The following DNAAF9 variants were observed in gnomAD, a reference collection of about 807,000 sequenced individuals.
The protein encoded by DNAAF9 is shulin.
In DNAAF9, 90 loss-of-function variants were observed where a neutral mutation model predicts 167.0. That is an observed-to-expected ratio of 0.54 (90% CI 0.45 to 0.64). DNAAF9 has a LOEUF of 0.64. Among genes scored for constraint, DNAAF9 ranks in the 30% least tolerant of loss-of-function variants. DNAAF9 has a pLI of 0.00. For missense variants in DNAAF9, 1,315 were observed against 1,442.2 expected (o/e 0.91, Z 1.43); for synonymous variants, 491 against 508.8 (o/e 0.96, Z 0.47).
intron 20 of DNAAF9, among the ~76,000 whole-genome samples, chr20:3,312,113 C>T (rs755784060): frequency 1.1e-4 from 16 of 152,114 alleles, no homozygotes; most frequent in Middle Eastern, 3.4e-3. Flanking sequence ...CTCAGCCTCC[C>T]GAGTAGCTGG....
Position 3,340,682 on chromosome 20 carries a change from T to C in DNAAF9, c.846-43A>G, listed in dbSNP as rs183858359. The C allele has an allele frequency of 2.6e-5, 41 of 1,604,160 alleles. No homozygotes were observed. The Admixed American group carries it at 4.8e-4, about 19-fold the overall frequency. On this transcript the variant is annotated intron_variant, in intron 9 of 36. Coordinates refer to ENST00000252032, the MANE Select transcript of DNAAF9 (RefSeq NM_001009984.3). ...AAACATGTGATTAGAAAAGAGTTCCTGGCCAAGGCAACCTTCCATGACCTT... is the reference window on the plus strand; with the variant it reads ...AAACATGTGATTAGAAAAGAGTTCCCGGCCAAGGCAACCTTCCATGACCTT...
At chr20:3,391,289 G>T (rs953059554) in intron 1 of DNAAF9, among the ~76,000 whole-genome samples, 5 of 151,424 alleles carry the variant, frequency 3.3e-5, no homozygotes, top group Non-Finnish European at 5.9e-5. Context: ...ACCATGAAAC[G>T]TGTCACTTAA....
chr20:3,347,639 T>G (rs2070220677), intron 8 of DNAAF9, among the ~76,000 whole-genome samples: 3 of 152,054 alleles, frequency 2.0e-5, no homozygotes, highest in Admixed American at 2.0e-4. Context: ...ATAAAATATG[T>G]AAAGGTAGCC....
chr20:3,252,553 G>T lies in DNAAF9; in HGVS notation c.*19C>A. On this transcript the variant is annotated 3_prime_UTR_variant, in exon 37 of 37. Coordinates refer to ENST00000252032, the MANE Select transcript of DNAAF9 (RefSeq NM_001009984.3). ...CTCCAAGGTGGACATTCTGCAGGAC[G>T]TACGGGCCCAGCCTTCCTCTAGGGC... 1 of 1,330,668 alleles carries T rather than the reference G, an allele frequency of 7.5e-7. No individual in the cohort carries two copies. Among genetic ancestry groups the T allele is most frequent in the Non-Finnish European group, 1.1e-6 (1 of 921,070 alleles). The allele number at this position is 1,330,668 out of a possible 1,614,324, so 82.4% of individuals were successfully genotyped here. A position where few individuals can be genotyped will look rare whatever the true frequency, so the allele number is the denominator to read the frequency against.
chr20:3,270,657 G>A (rs1229368435), intron 29 of DNAAF9, 95 bp from the exon 30 acceptor site: 2 of 1,041,628 alleles, frequency 1.9e-6, no homozygotes, highest in Non-Finnish European at 2.9e-6. Context: ...CCCTAATCAT[G>A]CCTTCCAGTA....
Position 3,287,697 on chromosome 20 carries a change from C to T in DNAAF9, c.2421G>A (p.Gln807=). The change falls in exon 27 of 37, where the codon CAG becomes CAA. Residue 807 remains glutamine (Q), a synonymous_variant. Transcript: ENST00000252032. ...AGGCTGACTGGCGCGCAGAGCGGTT[C>T]TGCTGGGCCTCTAGGGCACTGGAAA... is the stretch of plus-strand genomic sequence containing the variant. ...RYLSSALEAQ[Q]NRSARQSAYI... 1 of 1,614,228 alleles carries T rather than the reference C, an allele frequency of 6.2e-7. No homozygotes were observed. Among genetic ancestry groups the T allele is most frequent in the East Asian group, 2.2e-5 (1 of 44,872 alleles).
At chr20:3,372,816 A>G (rs1321917120) in intron 6 of DNAAF9, among the ~76,000 whole-genome samples, 4 of 150,130 alleles carry the variant, frequency 2.7e-5, no homozygotes, top group African/African-American at 7.4e-5. Flanking sequence ...GAGGGTTACT[A>G]TAAGAATGAA....
chr20:3,383,375 T>A (rs2083689660), intron 1 of DNAAF9, among the ~76,000 whole-genome samples: 1 of 151,232 alleles, frequency 6.6e-6, no homozygotes, highest in Non-Finnish European at 1.5e-5. Context: ...TTCAAGTGAT[T>A]CTCCCGCCTC....
intron 33 of DNAAF9, 96 bp from the exon 34 acceptor site, chr20:3,256,307 T>C (rs192754730): frequency 1.1e-6 from 1 of 901,164 alleles, no homozygotes; most frequent in East Asian, 2.5e-5. Context: ...GATAGATTCA[T>C]GAGAAAATGC....
intron 6 of DNAAF9, among the ~76,000 whole-genome samples, chr20:3,369,216 T>C (rs1277470978): frequency 3.3e-5 from 5 of 152,114 alleles, no homozygotes; most frequent in Admixed American, 6.5e-5. Flanking sequence ...TTCCCATTCA[T>C]ACTTAAGTGA....
In DNAAF9 at chr20:3,322,534, G is replaced by A. The variant is rs1329350193; in HGVS notation, c.1310+118C>T. 4.6e-6 allele frequency: 4 copies of A among 866,020 alleles called. No homozygotes were observed. The African/African-American group carries it at 4.9e-5, about 11-fold the overall frequency. The allele number at this position is 866,020 out of a possible 1,614,324, so 53.6% of individuals were successfully genotyped here. ...CACAGCCAGCCCAAGCCCAACCCTG[G>A]AGTGATGTCACTGCTAGGTGTGGAA... is the stretch of plus-strand genomic sequence containing the variant. On this transcript the variant is annotated intron_variant, in intron 15 of 36. Transcript: ENST00000252032.
At chr20:3,295,759 A>C (rs1191021574) in intron 23 of DNAAF9, 7 of 704,354 alleles carry the variant, frequency 9.9e-6, no homozygotes, top group Admixed American at 1.8e-5. Flanking sequence ...TTATTCTGGA[A>C]GTCCTCCTTG....
At chr20:3,312,145 C>T (rs917044443) in intron 20 of DNAAF9, among the ~76,000 whole-genome samples, 3 of 152,046 alleles carry the variant, frequency 2.0e-5, no homozygotes, top group Admixed American at 1.3e-4. Context: ...TGCGTCACCA[C>T]GCCTGGCTAA....
chr20:3,293,037 G>T (rs1161037857), intron 25 of DNAAF9, among the ~76,000 whole-genome samples: 2 of 151,640 alleles, frequency 1.3e-5, no homozygotes, highest in Admixed American at 6.6e-5. Context: ...AGTGAGCCAA[G>T]ATTGTGCCAT....
At chr20:3,341,677 C>G (rs2070088180) in intron 9 of DNAAF9, among the ~76,000 whole-genome samples, 1 of 152,196 alleles carries the variant, frequency 6.6e-6, no homozygotes, top group South Asian at 2.1e-4. Context: ...GTCCATGCTG[C>G]CATGATTTCT....
chr20:3,299,352 GC>G (rs2122962270), intron 21 of DNAAF9, among the ~76,000 whole-genome samples: 1 of 151,908 alleles, frequency 6.6e-6, no homozygotes, highest in Admixed American at 6.6e-5. Context: ...GGGGACCTGT[GC>G]CCAGGATGGA....
intron 6 of DNAAF9, among the ~76,000 whole-genome samples, chr20:3,362,477 T>G (rs896765004): frequency 3.3e-5 from 5 of 151,874 alleles, no homozygotes; most frequent in African/African-American, 1.2e-4. Context: ...TTCATTTTTT[T>G]CACCTGTATA....
intron 1 of DNAAF9, among the ~76,000 whole-genome samples, chr20:3,393,392 G>A (rs1406668649): frequency 2.0e-5 from 3 of 152,012 alleles, no homozygotes; most frequent in Non-Finnish European, 2.9e-5. Flanking sequence ...CATGCCTATG[G>A]TCCCAGCTAC....
intron 10 of DNAAF9, 31 bp downstream of exon 10, chr20:3,340,473 T>A: frequency 2.3e-6 from 1 of 436,902 alleles, no homozygotes. Flanking sequence ...ATAATAAAAC[T>A]AATCAAGCAC....
Sources: allele counts gnomAD v4.1 joint callset (sites outside exome capture counted in the v4.1 genomes callset), GRCh38; gene constraint gnomAD v4.1.1; transcripts MANE v1.5; gene names NCBI Gene and HGNC (gene_info 2026-07-23, HGNC 2026-07-21).